ST3GAL3: variants seen among roughly 807,000 people sequenced by gnomAD.
ST3GAL3 encodes the protein CMP-N-acetylneuraminate-beta-1,4-galactoside alpha-2,3-sialyltransferase.
ST3GAL3 carries 21 observed loss-of-function variants against 50.1 expected under a neutral mutation model. The ratio of observed to expected loss-of-function variants is 0.42; its 90% CI spans 0.30 to 0.60. The LOEUF (loss-of-function observed/expected upper bound fraction) is 0.60, where lower values mean the gene tolerates loss of function less well. ST3GAL3 is among the 20% of genes least tolerant of loss of function. ST3GAL3 has a pLI of 0.19. For missense variants in ST3GAL3, 353 were observed against 489.4 expected (o/e 0.72, Z 2.63); for synonymous variants, 183 against 190.0 (o/e 0.96, Z 0.30).
At chr1:43,791,581 C>T (rs557692382) in intron 2 of ST3GAL3, among the ~76,000 whole-genome samples, 1 of 152,268 alleles carries the variant, frequency 6.6e-6, no homozygotes, top group South Asian at 2.1e-4. Context: ...CTAACATTTC[C>T]CCAACTATAT....
intron 2 of ST3GAL3, among the ~76,000 whole-genome samples, chr1:43,773,385 C>G (rs1696050466): frequency 6.6e-6 from 1 of 152,200 alleles, no homozygotes. Flanking sequence ...GCTCCAAGTT[C>G]TGACCCACTG....
At chr1:43,711,473 G>A (rs981992269) in intron 1 of ST3GAL3, among the ~76,000 whole-genome samples, 2 of 152,256 alleles carry the variant, frequency 1.3e-5, no homozygotes, top group Non-Finnish European at 2.9e-5. Context: ...TGTCTGGGAA[G>A]CAAAGAGCCA....
intron 2 of ST3GAL3, among the ~76,000 whole-genome samples, chr1:43,749,551 A>G (rs753280662): frequency 6.6e-6 from 1 of 152,228 alleles, no homozygotes; most frequent in Non-Finnish European, 1.5e-5. Context: ...AGCCTGGACA[A>G]CACAGTGATA....
intron 2 of ST3GAL3, among the ~76,000 whole-genome samples, chr1:43,770,654 C>A (rs2154131958): frequency 6.6e-6 from 1 of 152,152 alleles, no homozygotes; most frequent in African/African-American, 2.4e-5. Context: ...CTCAGCCTCC[C>A]CAAGTAGCTG....
chr1:43,875,834 CCTG>C (rs1438933606), intron 5 of ST3GAL3, among the ~76,000 whole-genome samples: 2 of 151,946 alleles, frequency 1.3e-5, no homozygotes, highest in Non-Finnish European at 2.9e-5. Context: ...TCTCCTGTTT[CCTG>C]CTTTTTGATA....
At chr1:43,903,005 G>A (rs142875868) in intron 9 of ST3GAL3, among the ~76,000 whole-genome samples, 7 of 152,202 alleles carry the variant, frequency 4.6e-5, no homozygotes, top group Admixed American at 2.6e-4. Flanking sequence ...TGGGGCAGGT[G>A]GGGGACAAAA....
At chr1:43,885,845 GAGTC>G (rs2075898179) in intron 5 of ST3GAL3, among the ~76,000 whole-genome samples, 1 of 152,200 alleles carries the variant, frequency 6.6e-6, no homozygotes. Flanking sequence ...CTCCCTCGGG[GAGTC>G]AGGGGAGACT....
intron 5 of ST3GAL3, among the ~76,000 whole-genome samples, chr1:43,853,355 T>G (rs2067709886): frequency 6.6e-6 from 1 of 152,236 alleles, no homozygotes; most frequent in African/African-American, 2.4e-5. Flanking sequence ...TTTTTCATAT[T>G]TTTTCTGTTT....
At chr1:43,909,781 T>C (rs182853004) in intron 9 of ST3GAL3, among the ~76,000 whole-genome samples, 6 of 152,182 alleles carry the variant, frequency 3.9e-5, no homozygotes, top group Admixed American at 3.9e-4. Context: ...AGGGTTATTA[T>C]GAGAGTTAAC....
intron 5 of ST3GAL3, among the ~76,000 whole-genome samples, chr1:43,863,103 A>G (rs2070414738): frequency 6.6e-6 from 1 of 152,214 alleles, no homozygotes; most frequent in African/African-American, 2.4e-5. Context: ...CACTGGGGAA[A>G]TGGTTTTAAA....
intron 1 of ST3GAL3, among the ~76,000 whole-genome samples, chr1:43,728,546 A>C (rs546898691): frequency 6.6e-6 from 1 of 152,210 alleles, no homozygotes; most frequent in South Asian, 2.1e-4. Context: ...GGAGTTTGAT[A>C]CCAACCTGGG....
intron 3 of ST3GAL3, among the ~76,000 whole-genome samples, chr1:43,794,590 C>T (rs1284726703): frequency 1.3e-5 from 2 of 152,148 alleles, no homozygotes; most frequent in Non-Finnish European, 2.9e-5. Context: ...GATGCTTATA[C>T]ATAACAGGAC....
At chr1:43,911,520 T>C (rs927161440) in intron 9 of ST3GAL3, among the ~76,000 whole-genome samples, 1 of 151,888 alleles carries the variant, frequency 6.6e-6, no homozygotes, top group Non-Finnish European at 1.5e-5. Flanking sequence ...TCTATAGATA[T>C]AGATATCTAT....
intron 2 of ST3GAL3, among the ~76,000 whole-genome samples, chr1:43,746,138 TAGTC>T (rs1683531950): frequency 3.3e-5 from 5 of 152,202 alleles, no homozygotes; most frequent in Admixed American, 3.3e-4. Flanking sequence ...AAAAAATATT[TAGTC>T]AGTCCCAAAG....
intron 5 of ST3GAL3, among the ~76,000 whole-genome samples, chr1:43,856,993 T>C (rs1373683805): frequency 6.6e-6 from 1 of 152,180 alleles, no homozygotes; most frequent in Non-Finnish European, 1.5e-5. Context: ...CCACACTTGC[T>C]TGCAAAGGTG....
In ST3GAL3 at chr1:43,876,013, G is replaced by A. The variant is rs1165566509; in HGVS notation, c.303-18370G>A. 2.0e-5 allele frequency among the ~76,000 whole-genome samples: 3 copies of A among 150,206 alleles called. No individual in the cohort carries two copies. The Admixed American group carries it at 2.0e-4, about 10-fold the overall frequency. On this transcript the variant is annotated intron_variant, in intron 5 of 11. Coordinates refer to ENST00000347631, the MANE Select transcript of ST3GAL3 (RefSeq NM_006279.5). ...GACAGGGTCTCACTCTGTCATCTAG[G>A]CTGGAGTACAGTAGTGTGATCTTGG...
At chr1:43,712,276 G>C (rs1415260591) in intron 1 of ST3GAL3, among the ~76,000 whole-genome samples, 1 of 152,176 alleles carries the variant, frequency 6.6e-6, no homozygotes, top group Non-Finnish European at 1.5e-5. Context: ...CAGGTAAGGA[G>C]CCCTCAGAAA....
intron 2 of ST3GAL3, chr1:43,736,708 A>T: frequency 2.4e-6 from 1 of 410,482 alleles, no homozygotes; most frequent in South Asian, 2.2e-5. Flanking sequence ...GCATATTGCC[A>T]CTCTATTTTG....
intron 5 of ST3GAL3, among the ~76,000 whole-genome samples, chr1:43,883,561 G>C (rs2075499905): frequency 6.6e-6 from 1 of 152,230 alleles, no homozygotes; most frequent in Non-Finnish European, 1.5e-5. Context: ...GCCCTGCCTG[G>C]CCTTTTCCTT....
Sources: gnomAD v4.1 joint callset for allele counts (sites outside exome capture counted in the v4.1 genomes callset) on GRCh38, gnomAD v4.1.1 for gene constraint, MANE v1.5 for transcripts, NCBI Gene and HGNC (gene_info 2026-07-23, HGNC 2026-07-21) for gene names.